Variants in LRP1B observed in about 807,000 individuals in gnomAD.
LRP1B encodes the protein LDL receptor related protein 1B, also known as low-density lipoprotein receptor-related protein 1B.
A neutral mutation model predicts 556.6 loss-of-function variants in LRP1B; 217 were observed. That is an observed-to-expected ratio of 0.39 (90% CI 0.35 to 0.44). The LOEUF is 0.44. Among genes scored for constraint, LRP1B ranks in the 20% least tolerant of loss-of-function variants. LRP1B has a pLI of 1.00. For missense variants in LRP1B, 5,053 were observed against 5,620.8 expected (o/e 0.90, Z 3.23); for synonymous variants, 2,047 against 1,865.8 (o/e 1.10, Z -2.50).
intron 32 of LRP1B, among the ~76,000 whole-genome samples, chr2:140,810,570 AAG>A (rs1199390138): frequency 1.1e-5 from 1 of 94,614 alleles, no homozygotes; most frequent in Non-Finnish European, 2.6e-5. Flanking sequence ...GTTTTGAAAG[AAG>A]GAGAACCCTG....
At chr2:141,495,836 A>C (rs1376209563) in intron 2 of LRP1B, among the ~76,000 whole-genome samples, 1 of 152,086 alleles carries the variant, frequency 6.6e-6, no homozygotes. Flanking sequence ...GAAAATATAC[A>C]AATTCTTCTC....
chr2:142,033,942 T>C (rs549682526), intron 1 of LRP1B, among the ~76,000 whole-genome samples: 1 of 151,940 alleles, frequency 6.6e-6, no homozygotes, highest in South Asian at 2.1e-4. Context: ...CAAGTACTCA[T>C]TTTCAGTTTG....
At chr2:141,265,654 C>T (rs1246615893) in intron 3 of LRP1B, among the ~76,000 whole-genome samples, 1 of 152,174 alleles carries the variant, frequency 6.6e-6, no homozygotes, top group Non-Finnish European at 1.5e-5. Context: ...AAACTGTACA[C>T]ATTCAATAAA....
Position 140,245,447 on chromosome 2 carries a change from A to T in LRP1B, c.13324+1639T>A, listed in dbSNP as rs575570301. 2.3e-4 allele frequency among the ~76,000 whole-genome samples: 35 copies of T among 151,506 alleles called. 1 individual carries two copies. The East Asian group carries it at 4.9e-3, about 21-fold the overall frequency. On this transcript the variant is annotated intron_variant, in intron 87 of 90. Transcript: ENST00000389484. ...CTATTTCTTGTCAGAGTTTTAAAAAATTTTTTAAATTGTTTTTGATGCTCT... is the reference window on the plus strand; with the variant it reads ...CTATTTCTTGTCAGAGTTTTAAAAATTTTTTTAAATTGTTTTTGATGCTCT...
chr2:140,324,161 C>CTGTT (rs1013972196), intron 80 of LRP1B, 95 bp from the exon 81 acceptor site: 41 of 678,422 alleles, frequency 6.0e-5, no homozygotes, highest in Non-Finnish European at 1.2e-5. Context: ...AACCTTATTA[C>CTGTT]TGTTTAAAAA....
At chr2:140,298,001 T>G (rs769767086) in intron 83 of LRP1B, 32 bp from the exon 84 acceptor site, 3 of 1,548,730 alleles carry the variant, frequency 1.9e-6, no homozygotes, top group Non-Finnish European at 2.6e-6. Flanking sequence ...AAAAAGCAAA[T>G]TATTCAACCA....
At chr2:141,725,971 C>T (rs1693014078) in intron 2 of LRP1B, among the ~76,000 whole-genome samples, 1 of 151,734 alleles carries the variant, frequency 6.6e-6, no homozygotes, top group South Asian at 2.1e-4. Context: ...AATTGGCTGG[C>T]ATATAACAGA....
chr2:141,572,139 C>T (rs1484512623), intron 2 of LRP1B, among the ~76,000 whole-genome samples: 2 of 152,076 alleles, frequency 1.3e-5, no homozygotes, highest in African/African-American at 2.4e-5. Context: ...TCAGATTCTC[C>T]AAGGTCAAAA....
chr2:141,848,101 C>T (rs1474107409), intron 1 of LRP1B, among the ~76,000 whole-genome samples: 1 of 151,434 alleles, frequency 6.6e-6, no homozygotes, highest in Non-Finnish European at 1.5e-5. Context: ...GAATAAAATG[C>T]AACTTACAAT....
At chr2:140,737,266 C>T (rs1251055762) in intron 35 of LRP1B, among the ~76,000 whole-genome samples, 1 of 152,098 alleles carries the variant, frequency 6.6e-6, no homozygotes, top group Non-Finnish European at 1.5e-5. Context: ...ACCAAAAGGA[C>T]TTATGACCAT....
At chr2:140,505,881 T>C (rs988267857) in intron 53 of LRP1B, among the ~76,000 whole-genome samples, 1 of 152,198 alleles carries the variant, frequency 6.6e-6, no homozygotes, top group South Asian at 2.1e-4. Context: ...TTCAGATATT[T>C]TACGAAAACA....
At chr2:141,936,341 T>C (rs1157267565) in intron 1 of LRP1B, among the ~76,000 whole-genome samples, 1 of 152,164 alleles carries the variant, frequency 6.6e-6, no homozygotes, top group African/African-American at 2.4e-5. Context: ...AATAAACTAG[T>C]TTAATGATCA....
intron 1 of LRP1B, among the ~76,000 whole-genome samples, chr2:141,976,531 G>A (rs1701892421): frequency 6.6e-6 from 1 of 152,062 alleles, no homozygotes; most frequent in Admixed American, 6.6e-5. Flanking sequence ...TATGAATCTT[G>A]TCTGGACAAT....
intron 83 of LRP1B, among the ~76,000 whole-genome samples, chr2:140,313,162 C>T (rs757176472): frequency 3.3e-5 from 5 of 151,878 alleles, no homozygotes; most frequent in Admixed American, 6.6e-5. Flanking sequence ...GACTTAATTA[C>T]ATATCATATA....
intron 51 of LRP1B, among the ~76,000 whole-genome samples, chr2:140,511,461 C>T (rs1689655515): frequency 1.3e-5 from 2 of 152,032 alleles, no homozygotes; most frequent in South Asian, 4.1e-4. Context: ...GCCTCCACGC[C>T]CGGCTAATTT....
intron 7 of LRP1B, among the ~76,000 whole-genome samples, chr2:141,132,952 GAAT>G (rs1223145285): frequency 2.0e-5 from 3 of 151,396 alleles, no homozygotes; most frequent in African/African-American, 7.3e-5. Context: ...ATTCCATATT[GAAT>G]AATAAAAGTC....
rs150513709 is a variant in LRP1B, at chr2:140,776,141, A to G, written c.5457T>C (p.Ser1819=). 1.2e-3 allele frequency: 1,848 copies of G among 1,578,734 alleles called. 2 individuals are homozygous for G. Among genetic ancestry groups the G allele is most frequent in the Non-Finnish European group, 1.5e-3 (1,733 of 1,167,736 alleles). ...CATAGACTTTCATATGAACTACCCC[A>G]GAAGTCTTATTCCGTAGGATGGTGG... ...RNPTILRNKT[S]GVVHMKVYDK... Residue 1819 remains serine (S), a synonymous_variant, in exon 33 of 91, where the codon TCT becomes TCC. Coordinates refer to ENST00000389484, the MANE Select transcript of LRP1B (RefSeq NM_018557.3).
chr2:140,703,642 T>G (rs777163363), intron 37 of LRP1B, among the ~76,000 whole-genome samples: 1 of 152,146 alleles, frequency 6.6e-6, no homozygotes, highest in Non-Finnish European at 1.5e-5. Flanking sequence ...GGCACCTAAA[T>G]AGTCAACATA....
intron 2 of LRP1B, among the ~76,000 whole-genome samples, chr2:141,570,893 G>A (rs1686504104): frequency 6.6e-6 from 1 of 150,774 alleles, no homozygotes; most frequent in African/African-American, 2.4e-5. Context: ...CTCAGGGACA[G>A]AATCTGGATC....
Sources: allele counts gnomAD v4.1 joint callset (sites outside exome capture counted in the v4.1 genomes callset), GRCh38; gene constraint gnomAD v4.1.1; transcripts MANE v1.5; gene names NCBI Gene and HGNC (gene_info 2026-07-23, HGNC 2026-07-21).